TENM2: variants seen among roughly 807,000 people sequenced by gnomAD.
TENM2 encodes teneurin transmembrane protein 2.
TENM2 carries 52 observed loss-of-function variants against 245.2 expected under a neutral mutation model. The ratio of observed to expected loss-of-function variants is 0.21; its 90% CI spans 0.17 to 0.27. The LOEUF (loss-of-function observed/expected upper bound fraction) is 0.27. TENM2 is among the 10% of genes least tolerant of loss of function. The probability of loss-of-function intolerance (pLI) is 1.00; values close to 1 mark genes in which losing one functional copy is unlikely to be tolerated. For missense variants in TENM2, 3,046 were observed against 3,666.8 expected (o/e 0.83, Z 4.37); for synonymous variants, 1,363 against 1,438.9 (o/e 0.95, Z 1.19).
intron 2 of TENM2, among the ~76,000 whole-genome samples, chr5:167,508,480 G>A (rs957383446): frequency 1.3e-5 from 2 of 152,076 alleles, no homozygotes; most frequent in Non-Finnish European, 2.9e-5. Context: ...GATCCTGATG[G>A]CTCCACATAT....
rs578146934 is a variant in TENM2 at position 167,603,937 on chromosome 5, A to T, written c.502+228464A>T. On this transcript the variant is annotated intron_variant, in intron 2 of 28. Coordinates refer to ENST00000518659, the Ensembl canonical transcript of TENM2. The stretch of plus-strand genomic sequence containing the variant: ...TAATTGATCTGGAGTTTCAGGTAGC[A>T]TATGTCTGTGTTTTGGAGTTTATTT... Among the ~76,000 whole-genome samples, 13 of 152,286 alleles carry T rather than the reference A, an allele frequency of 8.5e-5. No homozygotes were observed. The South Asian group carries it at 2.5e-3, about 29-fold the overall frequency.
At chr5:168,220,889 A>C (rs1283649763) in intron 23 of TENM2, among the ~76,000 whole-genome samples, 2 of 152,168 alleles carry the variant, frequency 1.3e-5, no homozygotes, top group Non-Finnish European at 2.9e-5. Context: ...AGGCAGGAGG[A>C]TCACTGGAGG....
In TENM2 at chr5:168,244,556, G is replaced by A; in HGVS notation, c.5657G>A (p.Ser1886Asn). The A allele has an allele frequency of 6.2e-7, 1 of 1,612,442 alleles. No individual in the cohort carries two copies. The highest frequency in any genetic ancestry group is 8.5e-7 in the Non-Finnish European group (1 of 1,179,014). ...CGCCCCTTCCTCTGGCTGCCCAGCA[G>A]CGGGCTGGCAGCTGTCAACGTGTCA... Residue 1886 changes from serine to asparagine, a missense_variant, in exon 26 of 29, where the codon AGC (serine) becomes AAC (asparagine). Ser to Asn is a conservative substitution (Grantham distance 46). Coordinates refer to ENST00000518659, the Ensembl canonical transcript of TENM2. This position sits in a 1 kb window ranked among gnomAD's most constrained non-coding sequence, Gnocchi z 4.9.
At chr5:167,967,355 C>T (rs1781457416) in intron 4 of TENM2, among the ~76,000 whole-genome samples, 1 of 152,138 alleles carries the variant, frequency 6.6e-6, no homozygotes, top group Non-Finnish European at 1.5e-5. Context: ...CACTCGAACC[C>T]ATTAATAAGA....
chr5:166,993,074 T>G, the TENM2 span, among the ~76,000 whole-genome samples: 1 of 151,970 alleles, frequency 6.6e-6, no homozygotes, highest in Non-Finnish European at 1.5e-5. Context: ...GTAGGCTATC[T>G]TTAGGCTTGG....
the TENM2 span, among the ~76,000 whole-genome samples, chr5:167,124,524 G>C: frequency 6.6e-6 from 1 of 152,048 alleles, no homozygotes; most frequent in African/African-American, 2.4e-5. Flanking sequence ...ATATTCTTCT[G>C]TGGCTTATAA....
At chr5:168,260,184 C>A in intron 27 of TENM2, 99 bp from the exon 30 acceptor site, 2 of 1,361,072 alleles carry the variant, frequency 1.5e-6, no homozygotes, top group Non-Finnish European at 2.1e-6. Flanking sequence ...TTGGGCCCTA[C>A]ACCCAACCAC....
chr5:167,354,720 C>T (rs1759194865), intron 1 of TENM2, among the ~76,000 whole-genome samples: 1 of 152,142 alleles, frequency 6.6e-6, no homozygotes, highest in South Asian at 2.1e-4. Flanking sequence ...TTATTTCTTT[C>T]TTTTGAGCTG....
intron 2 of TENM2, among the ~76,000 whole-genome samples, chr5:167,672,300 C>CAT (rs1205294165): frequency 6.6e-6 from 1 of 151,820 alleles, no homozygotes; most frequent in African/African-American, 2.4e-5. Flanking sequence ...TATATACACA[C>CAT]ATATATATAC....
At chr5:167,515,811 A>G (rs984179868) in intron 2 of TENM2, among the ~76,000 whole-genome samples, 4 of 151,428 alleles carry the variant, frequency 2.6e-5, no homozygotes, top group African/African-American at 4.8e-5. Context: ...GACTACAGGC[A>G]CCTGCCACCA....
chr5:168,054,130 A>G (rs1789341480), intron 6 of TENM2, among the ~76,000 whole-genome samples: 1 of 152,254 alleles, frequency 6.6e-6, no homozygotes, highest in African/African-American at 2.4e-5. Flanking sequence ...TATCTAAAGC[A>G]ACAAATTGAA....
intron 2 of TENM2, among the ~76,000 whole-genome samples, chr5:167,449,143 G>A (rs1325705980): frequency 6.6e-6 from 1 of 152,152 alleles, no homozygotes; most frequent in Non-Finnish European, 1.5e-5. Flanking sequence ...AAAAGCTAAA[G>A]CTTGTAGGCA....
At chr5:167,649,133 T>C (rs1444111076) in intron 2 of TENM2, among the ~76,000 whole-genome samples, 1 of 152,180 alleles carries the variant, frequency 6.6e-6, no homozygotes, top group Non-Finnish European at 1.5e-5. Flanking sequence ...CCACCTCTCT[T>C]TTCTGAGCAA....
rs952300064 is a variant in TENM2 at position 167,599,373 on chromosome 5, C to A, written c.502+223900C>A. 2.6e-5 allele frequency among the ~76,000 whole-genome samples: 4 copies of A among 152,070 alleles called. No homozygotes were observed. In the South Asian group the frequency reaches 8.3e-4, roughly 32 times the overall value. ...ATTGATTTTTTTTTTACAAAACCAC[C>A]TACAACCTAATGTTTCAGAGTTAAA... is the stretch of plus-strand genomic sequence containing the variant. On this transcript the variant is annotated intron_variant, in intron 2 of 28. Coordinates refer to ENST00000518659, the Ensembl canonical transcript of TENM2.
chr5:168,208,082 T>A (rs1250550280), intron 19 of TENM2, among the ~76,000 whole-genome samples: 1 of 152,126 alleles, frequency 6.6e-6, no homozygotes, highest in Non-Finnish European at 1.5e-5. Flanking sequence ...TGTCAGTCAC[T>A]AACATTATAG....
At chr5:167,656,345 A>C (rs1754839137) in intron 2 of TENM2, among the ~76,000 whole-genome samples, 1 of 152,142 alleles carries the variant, frequency 6.6e-6, no homozygotes, top group Non-Finnish European at 1.5e-5. Context: ...TGAATCTTTA[A>C]AAAGATGAAA....
At chr5:167,477,228 A>C (rs1431869570) in intron 2 of TENM2, among the ~76,000 whole-genome samples, 1 of 150,886 alleles carries the variant, frequency 6.6e-6, no homozygotes, top group African/African-American at 2.4e-5. Flanking sequence ...TTTTTCAGTG[A>C]AACTAGAATT....
the TENM2 span, among the ~76,000 whole-genome samples, chr5:167,243,240 A>T: frequency 6.6e-6 from 1 of 152,080 alleles, no homozygotes; most frequent in Non-Finnish European, 1.5e-5. Context: ...ATTTCTGGGA[A>T]ATTTAAGGCA....
chr5:168,212,333 T>A (rs1236621547), intron 20 of TENM2, among the ~76,000 whole-genome samples: 1 of 152,220 alleles, frequency 6.6e-6, no homozygotes, highest in Non-Finnish European at 1.5e-5. Context: ...CCTTGGTCAT[T>A]ACATTGATCC....
Sources: gnomAD v4.1 joint callset for allele counts (sites outside exome capture counted in the v4.1 genomes callset) on GRCh38, gnomAD v4.1.1 for gene constraint, Gnocchi (gnomAD v3.1) non-coding constraint, MANE v1.5 for transcripts, NCBI Gene and HGNC (gene_info 2026-07-23, HGNC 2026-07-21) for gene names.